Variants in PFDN1 observed in about 807,000 individuals in gnomAD.
PFDN1 encodes the protein prefoldin 1.
Under a neutral mutation model 17.3 loss-of-function variants are expected in PFDN1, and 6 were observed. The ratio of observed to expected loss-of-function variants is 0.35; its 90% CI spans 0.19 to 0.69. The LOEUF (loss-of-function observed/expected upper bound fraction) is 0.69. Ranked by LOEUF, PFDN1 falls within the 30% of genes least tolerant of loss-of-function variation. PFDN1 has a pLI of 0.65. For missense variants in PFDN1, 113 were observed against 146.2 expected (o/e 0.77, Z 1.17); for synonymous variants, 58 against 50.1 (o/e 1.16, Z -0.67).
chr5:140,261,076 C>T (rs1354650113), intron 3 of PFDN1, among the ~76,000 whole-genome samples: 1 of 149,422 alleles, frequency 6.7e-6, no homozygotes, highest in Non-Finnish European at 1.5e-5. Context: ...GCAGGTGAAT[C>T]GCTTGAACTC....
chr5:140,293,649 T>A (rs1561518069), intron 2 of PFDN1, among the ~76,000 whole-genome samples: 1 of 152,186 alleles, frequency 6.6e-6, no homozygotes, highest in East Asian at 1.9e-4. Context: ...ACTATGTAAT[T>A]CTTACGCAAA....
chr5:140,266,316 TGCAGCA>T (rs1298315643), intron 3 of PFDN1, among the ~76,000 whole-genome samples: 1 of 152,230 alleles, frequency 6.6e-6, no homozygotes, highest in Non-Finnish European at 1.5e-5. Context: ...ACCTGGATAA[TGCAGCA>T]GCCTATCATT....
chr5:140,286,408 T>A (rs764874425), intron 2 of PFDN1, among the ~76,000 whole-genome samples: 3 of 43,132 alleles, frequency 7.0e-5, no homozygotes, highest in Non-Finnish European at 1.2e-4. Flanking sequence ...TGAGACTCTG[T>A]CTCAAAAAAA....
intron 2 of PFDN1, among the ~76,000 whole-genome samples, chr5:140,296,198 A>C (rs1231650267): frequency 2.6e-5 from 4 of 152,216 alleles, no homozygotes; most frequent in Non-Finnish European, 5.9e-5. Flanking sequence ...TAGGATAATA[A>C]ACTCATTCTT....
chr5:140,275,642 A>C (rs946773650), intron 3 of PFDN1, among the ~76,000 whole-genome samples: 8 of 152,166 alleles, frequency 5.3e-5, no homozygotes, highest in Non-Finnish European at 1.2e-4. Flanking sequence ...AGAAAAAAGA[A>C]ATCAGGAGAG....
At chr5:140,291,350 C>G (rs1220291253) in intron 2 of PFDN1, among the ~76,000 whole-genome samples, 1 of 152,030 alleles carries the variant, frequency 6.6e-6, no homozygotes, top group Non-Finnish European at 1.5e-5. Context: ...TGCTAATGAG[C>G]TGAATATAAG....
intron 3 of PFDN1, among the ~76,000 whole-genome samples, chr5:140,270,786 C>T (rs954508660): frequency 1.3e-5 from 2 of 151,782 alleles, no homozygotes; most frequent in African/African-American, 4.8e-5. Context: ...ATTAGCCGGG[C>T]GTGGTGGCGG....
intron 3 of PFDN1, among the ~76,000 whole-genome samples, chr5:140,259,260 A>G (rs966823528): frequency 1.6e-4 from 25 of 152,334 alleles, no homozygotes; most frequent in Middle Eastern, 3.4e-3. Flanking sequence ...GAAAGCTAGC[A>G]GACATTTTAA....
At chr5:140,263,736 A>C (rs1765096512) in intron 3 of PFDN1, among the ~76,000 whole-genome samples, 1 of 151,964 alleles carries the variant, frequency 6.6e-6, no homozygotes, top group Non-Finnish European at 1.5e-5. Context: ...ATCATGGTAG[A>C]AGGAGCCGGG....
intron 3 of PFDN1, among the ~76,000 whole-genome samples, chr5:140,248,281 C>G (rs936425886): frequency 2.6e-5 from 4 of 152,004 alleles, no homozygotes; most frequent in African/African-American, 9.7e-5. Context: ...GTTAGCCAAG[C>G]TGGTCTCAAA....
In PFDN1 at chr5:140,245,709, C is replaced by T; in HGVS notation, c.*265G>A. Reference sequence around the variant, plus strand: ...CTCAGGCAGAGCTTCCTATCTTGCCCTGGCTCCCATCTTCCCTCTCCTGGG... The same window carrying T: ...CTCAGGCAGAGCTTCCTATCTTGCCTTGGCTCCCATCTTCCCTCTCCTGGG... On this transcript the variant is annotated 3_prime_UTR_variant, in exon 4 of 4. Transcript: ENST00000261813. 1 of 617,500 alleles carries T rather than the reference C, an allele frequency of 1.6e-6. No individual in the cohort carries two copies. The highest frequency in any genetic ancestry group is 2.9e-6 in the Non-Finnish European group (1 of 347,324). 38.3% of individuals were successfully genotyped at this position (617,500 alleles called of 1,614,324 possible).
At chr5:140,277,226 CA>C (rs796127129) in intron 3 of PFDN1, among the ~76,000 whole-genome samples, 4,483 of 97,614 alleles carry the variant, frequency 0.046, 182 homozygotes, top group African/African-American at 0.14. Flanking sequence ...AACTCCGTCT[CA>C]AAAAAAAAAA....
intron 3 of PFDN1, among the ~76,000 whole-genome samples, chr5:140,257,171 C>G (rs1465959444): frequency 2.0e-5 from 3 of 150,372 alleles, no homozygotes; most frequent in African/African-American, 7.4e-5. Flanking sequence ...TGCAGTGAGC[C>G]GAGATCACGC....
intron 2 of PFDN1, chr5:140,293,284 G>A (rs1290670683): frequency 1.3e-5 from 2 of 150,624 alleles, no homozygotes; most frequent in African/African-American, 4.9e-5. Context: ...ATACAACAAA[G>A]GCTGATTTTG....
At chr5:140,259,054 G>A (rs1372244968) in intron 3 of PFDN1, among the ~76,000 whole-genome samples, 1 of 152,178 alleles carries the variant, frequency 6.6e-6, no homozygotes, top group Non-Finnish European at 1.5e-5. Flanking sequence ...GGAGGGAAAT[G>A]TGTGTCATAG....
intron 3 of PFDN1, chr5:140,265,814 T>TTGGG (rs1765126932): frequency 6.6e-6 from 1 of 152,182 alleles, no homozygotes; most frequent in Non-Finnish European, 1.5e-5. Flanking sequence ...TTAGAACAGC[T>TTGGG]ACTTGCACAG....
At chr5:140,289,752 CATT>C (rs1765551510) in intron 2 of PFDN1, among the ~76,000 whole-genome samples, 1 of 152,188 alleles carries the variant, frequency 6.6e-6, no homozygotes, top group Non-Finnish European at 1.5e-5. Flanking sequence ...AAATTAAACT[CATT>C]TTATCAACCC....
At chr5:140,252,738 G>A (rs925654613) in intron 3 of PFDN1, among the ~76,000 whole-genome samples, 1 of 152,172 alleles carries the variant, frequency 6.6e-6, no homozygotes, top group Admixed American at 6.5e-5. Flanking sequence ...TTGGTAGAAG[G>A]CAGGGGAAAC....
intron 3 of PFDN1, among the ~76,000 whole-genome samples, chr5:140,265,248 C>G (rs1274959673): frequency 6.6e-6 from 1 of 152,068 alleles, no homozygotes; most frequent in Non-Finnish European, 1.5e-5. Flanking sequence ...TGAGAGCAAC[C>G]CTTCAGCCTG....
Sources: gnomAD v4.1 joint callset for allele counts (sites outside exome capture counted in the v4.1 genomes callset) on GRCh38, gnomAD v4.1.1 for gene constraint, MANE v1.5 for transcripts, NCBI Gene and HGNC (gene_info 2026-07-23, HGNC 2026-07-21) for gene names.